Variants in RAE1 observed in about 807,000 individuals in gnomAD.
RAE1 encodes the protein ribonucleic acid export 1, also known as mRNA export factor RAE1.
Under a neutral mutation model 52.7 loss-of-function variants are expected in RAE1, and 13 were observed. That is an observed-to-expected ratio of 0.25 (90% CI 0.16 to 0.39). RAE1 has a LOEUF of 0.39. Ranked by LOEUF, RAE1 falls within the 10% of genes least tolerant of loss-of-function variation. RAE1 has a pLI of 1.00. For missense variants in RAE1, 262 were observed against 459.8 expected (o/e 0.57, Z 3.93); for synonymous variants, 164 against 153.1 (o/e 1.07, Z -0.52).
intron 4 of RAE1, among the ~76,000 whole-genome samples, chr20:57,357,219 A>G (rs1356664266): frequency 6.6e-6 from 1 of 152,214 alleles, no homozygotes; most frequent in Non-Finnish European, 1.5e-5. Context: ...TAGATATAGA[A>G]CAGATCCATC....
chr20:57,376,399 C>T (rs919840107), intron 11 of RAE1, among the ~76,000 whole-genome samples: 3 of 152,216 alleles, frequency 2.0e-5, no homozygotes, highest in Non-Finnish European at 4.4e-5. Context: ...TCTTCCCTTA[C>T]GCACACACAA....
intron 11 of RAE1, among the ~76,000 whole-genome samples, chr20:57,376,984 A>G (rs1253959926): frequency 1.3e-5 from 2 of 152,208 alleles, no homozygotes; most frequent in Non-Finnish European, 1.5e-5. Context: ...TTTTAGTTTA[A>G]AAGAGAAATT....
rs1214838566 is a variant in RAE1 at position 57,351,324 on chromosome 20, C to T, written c.-106C>T. On this transcript the variant is annotated 5_prime_UTR_variant, in exon 1 of 12. Transcript: ENST00000395841. ...GCTTCGGGCTCCTGGGATTTCTGTCCGCGCTCCTGGCCCTCGTCCTTCGCG... is the reference window on the plus strand; with the variant it reads ...GCTTCGGGCTCCTGGGATTTCTGTCTGCGCTCCTGGCCCTCGTCCTTCGCG... 1.0e-6 allele frequency: 1 copy of T among 985,378 alleles called. No individual in the cohort carries two copies. Among genetic ancestry groups the T allele is most frequent in the African/African-American group, 1.7e-5 (1 of 57,244 alleles). The allele number at this position is 985,378 out of a possible 1,614,324, so 61.0% of individuals were successfully genotyped here.
intron 1 of RAE1, among the ~76,000 whole-genome samples, chr20:57,352,472 G>A (rs138143025): frequency 6.6e-6 from 1 of 152,320 alleles, no homozygotes; most frequent in Non-Finnish European, 1.5e-5. Context: ...GCGGGAGAGA[G>A]CGGGAAGAGA....
At chr20:57,375,196 G>A in intron 11 of RAE1, 1 of 607,624 alleles carries the variant, frequency 1.6e-6, no homozygotes, top group East Asian at 2.7e-5. Context: ...GGCAGGAGTG[G>A]GGCTGCATTT....
intron 2 of RAE1, among the ~76,000 whole-genome samples, chr20:57,354,337 C>G (rs182294341): frequency 1.3e-5 from 2 of 152,354 alleles, no homozygotes; most frequent in Admixed American, 1.3e-4. Flanking sequence ...TCCAGAATCA[C>G]CCAAGGTGCA....
At chr20:57,374,902 G>A (rs563736839) in intron 11 of RAE1, 101 bp downstream of exon 11, 15 of 1,340,650 alleles carry the variant, frequency 1.1e-5, no homozygotes, top group Admixed American at 5.2e-5. Context: ...CAGGACTCAC[G>A]TGTGTCCTTG....
chr20:57,361,979 A>G (rs532753563), intron 4 of RAE1, among the ~76,000 whole-genome samples: 2 of 152,316 alleles, frequency 1.3e-5, no homozygotes, highest in South Asian at 4.1e-4. Context: ...GCGGCATTAG[A>G]TTGTCACAGG....
intron 3 of RAE1, among the ~76,000 whole-genome samples, chr20:57,355,406 T>G (rs981466323): frequency 6.6e-6 from 1 of 152,156 alleles, no homozygotes; most frequent in African/African-American, 2.4e-5. Context: ...TTAACAAAAT[T>G]AAAAGTTTAA....
intron 4 of RAE1, among the ~76,000 whole-genome samples, chr20:57,364,677 A>G (rs2066930939): frequency 1.3e-5 from 2 of 152,216 alleles, no homozygotes; most frequent in South Asian, 2.1e-4. Flanking sequence ...ACTCATTGAC[A>G]TAATATGTCT....
intron 3 of RAE1, among the ~76,000 whole-genome samples, chr20:57,355,471 G>A (rs1441848239): frequency 6.6e-6 from 1 of 152,182 alleles, no homozygotes; most frequent in East Asian, 1.9e-4. Context: ...TGGCTGGTAG[G>A]TATGTAAGTT....
At chr20:57,368,015 G>A (rs188812862) in intron 7 of RAE1, among the ~76,000 whole-genome samples, 7 of 152,142 alleles carry the variant, frequency 4.6e-5, no homozygotes, top group South Asian at 2.1e-4. Flanking sequence ...TCAGCCTCCC[G>A]TTAACTGGGA....
Position 57,368,610 on chromosome 20 carries a change from C to A in RAE1, c.535-95C>A. 4 of 759,790 alleles carry A rather than the reference C, an allele frequency of 5.3e-6. No homozygotes were observed. In the South Asian group the frequency reaches 7.1e-5, roughly 14 times the overall value. The allele number at this position is 759,790 out of a possible 1,614,324, so 47.1% of individuals were successfully genotyped here. On this transcript the variant is annotated intron_variant, in intron 7 of 11. Coordinates refer to ENST00000395841, the MANE Select transcript of RAE1 (RefSeq NM_003610.4). Reference sequence around the variant, plus strand: ...AATCCCAGGATTATTAAAATCCAGACTTAATGTTGTAACCAAAAATTGATC... The same window carrying A: ...AATCCCAGGATTATTAAAATCCAGAATTAATGTTGTAACCAAAAATTGATC...
chr20:57,356,013 T>G (rs1204536227), intron 3 of RAE1, among the ~76,000 whole-genome samples: 1 of 152,184 alleles, frequency 6.6e-6, no homozygotes, highest in African/African-American at 2.4e-5. Context: ...TAGCTGTGGT[T>G]GTCTGTGGTG....
At chr20:57,374,274 C>T (rs1020595426) in intron 10 of RAE1, among the ~76,000 whole-genome samples, 6 of 152,184 alleles carry the variant, frequency 3.9e-5, no homozygotes, top group Non-Finnish European at 7.3e-5. Context: ...CTTCTCCCTC[C>T]CTCAGGAGCG....
At position 57,368,696 on chromosome 20, in the gene RAE1, A is replaced by G; in HGVS notation, c.535-9A>G. 1.9e-6 allele frequency: 3 copies of G among 1,596,608 alleles called. No homozygotes were observed. The highest frequency in any genetic ancestry group is 2.6e-6 in the Non-Finnish European group (3 of 1,164,746). The stretch of plus-strand genomic sequence containing the variant: ...CTGAAGCGCATCTCTGTTTTCTTCC[A>G]TTCCCTAGATATACCCCATGGCTGT... On this transcript the variant is annotated splice_polypyrimidine_tract_variant and intron_variant, in intron 7 of 11. Transcript: ENST00000395841.
chr20:57,367,981 C>G (rs1341372366), intron 7 of RAE1, among the ~76,000 whole-genome samples: 2 of 152,128 alleles, frequency 1.3e-5, no homozygotes, highest in Non-Finnish European at 2.9e-5. Context: ...CCTCTGCCTT[C>G]CGGGTTCAAG....
intron 1 of RAE1, among the ~76,000 whole-genome samples, chr20:57,353,486 T>C (rs2066740400): frequency 6.6e-6 from 1 of 152,234 alleles, no homozygotes; most frequent in Non-Finnish European, 1.5e-5. Context: ...CCCGACCTTT[T>C]TAAAACTTTT....
At chr20:57,358,612 G>A (rs901239363) in intron 4 of RAE1, 1 of 166,532 alleles carries the variant, frequency 6.0e-6, no homozygotes, top group African/African-American at 2.4e-5. Flanking sequence ...TCTGAACTGA[G>A]ATCACATAGG....
Sources: allele counts gnomAD v4.1 joint callset (sites outside exome capture counted in the v4.1 genomes callset), GRCh38; gene constraint gnomAD v4.1.1; transcripts MANE v1.5; gene names NCBI Gene and HGNC (gene_info 2026-07-23, HGNC 2026-07-21).